The following PMFBP1 variants were observed in gnomAD, a reference collection of about 807,000 sequenced individuals.
The protein encoded by PMFBP1 is polyamine modulated factor 1 binding protein 1.
In PMFBP1, 131 loss-of-function variants were observed where a neutral mutation model predicts 137.8. The ratio of observed to expected loss-of-function variants is 0.95; its 90% CI spans 0.82 to 1.10. The LOEUF (loss-of-function observed/expected upper bound fraction) is 1.10, where lower values mean the gene tolerates loss of function less well. PMFBP1 is among the 50% of genes least tolerant of loss of function. The probability of loss-of-function intolerance (pLI) is 0.00; values close to 1 mark genes in which losing one functional copy is unlikely to be tolerated. For missense variants in PMFBP1, 1,199 were observed against 1,175.4 expected, an observed-to-expected ratio of 1.02 and a Z score of -0.29; for synonymous variants, 490 against 450.4, an observed-to-expected ratio of 1.09 and a Z score of -1.11.
the PMFBP1 span, among the ~76,000 whole-genome samples, chr16:72,189,989 T>TC: frequency 1.3e-5 from 2 of 152,030 alleles, no homozygotes; most frequent in African/African-American, 4.8e-5. Context: ...TGGCAGGCAG[T>TC]CAGTCAGTTG....
intron 3 of PMFBP1, among the ~76,000 whole-genome samples, chr16:72,160,405 C>T (rs2043044316): frequency 6.6e-6 from 1 of 152,178 alleles, no homozygotes; most frequent in South Asian, 2.1e-4. Context: ...AAAATAATCA[C>T]TTGCAGCTAT....
chr16:72,190,666 C>T, the PMFBP1 span, among the ~76,000 whole-genome samples: 1 of 151,962 alleles, frequency 6.6e-6, no homozygotes, highest in Non-Finnish European at 1.5e-5. Context: ...CAGAGAGTTG[C>T]AGGGGTGAGA....
intron 5 of PMFBP1, among the ~76,000 whole-genome samples, chr16:72,148,488 G>T (rs974217161): frequency 6.6e-6 from 1 of 152,066 alleles, no homozygotes; most frequent in Non-Finnish European, 1.5e-5. Flanking sequence ...CCTGCACGTT[G>T]TGCACATGTA....
chr16:72,119,239 T>C lies in PMFBP1; in HGVS notation c.*99A>G. ...ATAGGCTGGGACCGTGATATACTCC[T>C]GTAAGAGCTGATCCAGGTCAAGAGA... On this transcript the variant is annotated 3_prime_UTR_variant, in exon 21 of 21. Transcript: ENST00000237353. The C allele has an allele frequency of 7.3e-7, 1 of 1,368,244 alleles. No individual in the cohort carries two copies. The highest frequency in any genetic ancestry group is 1.0e-6 in the Non-Finnish European group (1 of 960,892). The allele number at this position is 1,368,244 out of a possible 1,614,324, so 84.8% of individuals were successfully genotyped here.
Position 72,150,798 on chromosome 16 carries a change from T to C in PMFBP1, c.446A>G (p.His149Arg), listed in dbSNP as rs1419273072. The C allele has an allele frequency of 1.8e-5, 29 of 1,613,972 alleles. No individual in the cohort carries two copies. The highest frequency in any genetic ancestry group is 5.3e-5 in the African/African-American group (4 of 74,912). Residue 149 changes from histidine to arginine, a missense_variant, in exon 5 of 21, where the codon CAC (histidine) becomes CGC (arginine). By Grantham distance (29) the His-to-Arg change is conservative. Coordinates refer to ENST00000237353, the MANE Select transcript of PMFBP1 (RefSeq NM_031293.3). ...VILYEEEMGNHNENTGEKLHL... is the reference protein window; with the variant it reads ...VILYEEEMGNRNENTGEKLHL... ...GAGCTTCTCCCCTGTGTTCTCGTTG[T>C]GATTTCCCATTTCCTCCTCATAGAG...
At chr16:72,155,465 G>T (rs2042967062) in intron 3 of PMFBP1, among the ~76,000 whole-genome samples, 3 of 152,256 alleles carry the variant, frequency 2.0e-5, no homozygotes, top group African/African-American at 2.4e-5. Flanking sequence ...TTATTTCTGT[G>T]CATTTTAACT....
In PMFBP1 at chr16:72,129,090, C is replaced by G; in HGVS notation, c.1926G>C (p.Gln642His). ...CCGTCTTGTCTTTCTTTTTAAATTC[C>G]TGCCGCAAAGCTTCAAGTTCTCCCT... ...LMEGELEALR[Q>H]EFKKKDKTLK... The change falls in exon 13 of 21, where the codon CAG becomes CAC. Residue 642 changes from glutamine (Q) to histidine (H), a missense_variant. Coordinates refer to ENST00000237353, the MANE Select transcript of PMFBP1 (RefSeq NM_031293.3). 6.2e-7 allele frequency: 1 copy of G among 1,613,840 alleles called. No individual in the cohort carries two copies. The highest frequency in any genetic ancestry group is 8.5e-7 in the Non-Finnish European group (1 of 1,179,966).
At chr16:72,128,350 T>C (rs921338606) in intron 14 of PMFBP1, 31 of 1,313,334 alleles carry the variant, frequency 2.4e-5, no homozygotes, top group Non-Finnish European at 3.0e-5. Flanking sequence ...CCCTAGCAAA[T>C]TGCCCCCCAA....
intron 5 of PMFBP1, among the ~76,000 whole-genome samples, chr16:72,140,967 C>G (rs921682234): frequency 1.3e-4 from 15 of 116,516 alleles, no homozygotes; most frequent in Non-Finnish European, 2.0e-4. Flanking sequence ...TGGAGTCTCA[C>G]TCTGTCGCCC....
chr16:72,245,209 G>A, the PMFBP1 span, among the ~76,000 whole-genome samples: 8 of 152,202 alleles, frequency 5.3e-5, no homozygotes, highest in African/African-American at 1.7e-4. Flanking sequence ...AATAACAGCA[G>A]TTATAATAAT....
intron 2 of PMFBP1, among the ~76,000 whole-genome samples, chr16:72,167,625 TG>T (rs2043163836): frequency 6.6e-6 from 1 of 152,198 alleles, no homozygotes; most frequent in Non-Finnish European, 1.5e-5. Flanking sequence ...GTCACCACAC[TG>T]GGAATAGGGT....
intron 2 of PMFBP1, among the ~76,000 whole-genome samples, chr16:72,167,904 A>G (rs1397033781): frequency 3.3e-5 from 5 of 152,216 alleles, no homozygotes; most frequent in Non-Finnish European, 5.9e-5. Flanking sequence ...CTAAATTAAA[A>G]GTTAAGTGCT....
the PMFBP1 span, among the ~76,000 whole-genome samples, chr16:72,206,596 G>T: frequency 6.6e-6 from 1 of 152,200 alleles, no homozygotes; most frequent in Non-Finnish European, 1.5e-5. Context: ...TATTGCAGAT[G>T]ATGGAGCTAA....
intron 10 of PMFBP1, among the ~76,000 whole-genome samples, chr16:72,131,557 C>A (rs1028853013): frequency 6.6e-6 from 1 of 152,120 alleles, no homozygotes; most frequent in African/African-American, 2.4e-5. Flanking sequence ...TTGGAGTTAC[C>A]TGTAGAGAAA....
upstream of PMFBP1, among the ~76,000 whole-genome samples, chr16:72,174,685 C>T (rs563014036): frequency 1.3e-5 from 2 of 152,308 alleles, no homozygotes; most frequent in South Asian, 4.1e-4. Context: ...GCAGACAGCA[C>T]CTCTTCACAA....
chr16:72,123,500 C>T (rs183163014), intron 18 of PMFBP1, 46 bp downstream of exon 18: 27 of 1,563,510 alleles, frequency 1.7e-5, no homozygotes, highest in Non-Finnish European at 2.2e-5. Context: ...CTCCTCGGCT[C>T]AGTCCAGGCC....
chr16:72,218,032 T>C, the PMFBP1 span, among the ~76,000 whole-genome samples: 1 of 152,222 alleles, frequency 6.6e-6, no homozygotes, highest in Non-Finnish European at 1.5e-5. Flanking sequence ...TTCCTGCTTA[T>C]CCATACAAGT....
intron 18 of PMFBP1, 25 bp from the exon 19 acceptor site, chr16:72,123,013 C>T (rs1176642433): frequency 1.6e-5 from 25 of 1,604,160 alleles, no homozygotes; most frequent in Non-Finnish European, 1.9e-5. Flanking sequence ...CAGGAGAAAA[C>T]AGCAGCCAGT....
Position 72,166,400 on chromosome 16 carries a change from C to G in PMFBP1, c.13-1484G>C, listed in dbSNP as rs2043145200. Among the ~76,000 whole-genome samples, 5 of 152,198 alleles carry G rather than the reference C, an allele frequency of 3.3e-5. No homozygotes were observed. In the South Asian group the frequency reaches 1.0e-3, roughly 32 times the overall value. On this transcript the variant is annotated intron_variant, in intron 2 of 20. Coordinates refer to ENST00000237353, the MANE Select transcript of PMFBP1 (RefSeq NM_031293.3). ...GATTGTAAGTTTCCTTAGGCCTCCC[C>G]AGCTATGTGGAACTGTGAGTCAGTT... is the stretch of plus-strand genomic sequence containing the variant.
Sources: gnomAD v4.1 joint callset for allele counts (sites outside exome capture counted in the v4.1 genomes callset) on GRCh38, gnomAD v4.1.1 for gene constraint, MANE v1.5 for transcripts, NCBI Gene and HGNC (gene_info 2026-07-23, HGNC 2026-07-21) for gene names.